Variants in SLC4A4 observed in about 807,000 individuals in gnomAD.
SLC4A4 encodes electrogenic sodium bicarbonate cotransporter 1.
SLC4A4 carries 27 observed loss-of-function variants against 111.5 expected under a neutral mutation model. That is an observed-to-expected ratio of 0.24 (90% confidence interval 0.18 to 0.33). The LOEUF (loss-of-function observed/expected upper bound fraction) is 0.33, where lower values mean the gene tolerates loss of function less well. Among genes scored for constraint, SLC4A4 ranks in the 10% least tolerant of loss-of-function variants. The pLI is 1.00. For synonymous variants in SLC4A4, 443 were observed against 463.4 expected (o/e 0.96, Z 0.57); for missense variants, 909 against 1,315.5 (o/e 0.69, Z 4.78).
intron 1 of SLC4A4, among the ~76,000 whole-genome samples, chr4:71,187,937 G>A (rs1211255835): frequency 6.6e-6 from 1 of 152,216 alleles, no homozygotes; most frequent in Admixed American, 6.5e-5. Context: ...AAGGCGGGGG[G>A]TGAGTCAGGC....
In SLC4A4 at chr4:71,172,296, G is replaced by T. The variant is rs188822436; in HGVS notation, c.-1-64280G>T. On this transcript the variant is annotated intron_variant, in intron 2 of 26. Coordinates refer to the SLC4A4 transcript ENST00000649996. ...TTTTGAGACGGAGTCTCGCTTTGTC[G>T]CCAGGCTGGAGTGCAGTGGCGTGAT... Among the ~76,000 whole-genome samples, 19 of 144,074 alleles carry T rather than the reference G, an allele frequency of 1.3e-4. 1 individual carries two copies. The highest frequency in any genetic ancestry group is 4.9e-4 in the African/African-American group (19 of 38,666). 94.5% of individuals were successfully genotyped at this position (144,074 alleles called of 152,430 possible).
intron 7 of SLC4A4, among the ~76,000 whole-genome samples, chr4:71,424,485 T>C (rs1722900667): frequency 6.6e-6 from 1 of 152,000 alleles, no homozygotes; most frequent in Admixed American, 6.6e-5. Context: ...GCCATCCCAT[T>C]AGTGGGTATA....
intron 2 of SLC4A4, among the ~76,000 whole-genome samples, chr4:71,180,982 T>C (rs1192478216): frequency 6.6e-6 from 1 of 151,912 alleles, no homozygotes; most frequent in Non-Finnish European, 1.5e-5. Context: ...CCAACAATGA[T>C]AGACTGGATT....
intron 14 of SLC4A4, among the ~76,000 whole-genome samples, chr4:71,479,040 A>G (rs1261987387): frequency 6.6e-6 from 1 of 151,750 alleles, no homozygotes; most frequent in Non-Finnish European, 1.5e-5. Context: ...CTGAGGGAAA[A>G]GAAACTTTGC....
chr4:71,088,241 T>G (rs561346573), intron 1 of SLC4A4, among the ~76,000 whole-genome samples: 2 of 151,890 alleles, frequency 1.3e-5, no homozygotes, highest in Admixed American at 6.6e-5. Flanking sequence ...TGCCTTTTTT[T>G]TTTTCCATTT....
chr4:71,563,981 C>A, intron 24 of SLC4A4, 92 bp downstream of exon 24: 1 of 852,330 alleles, frequency 1.2e-6, no homozygotes, highest in Non-Finnish European at 2.0e-6. Context: ...TTAACTTTCC[C>A]TCAATTTTGT....
chr4:71,303,023 C>G (rs1354107959), intron 3 of SLC4A4, among the ~76,000 whole-genome samples: 1 of 152,168 alleles, frequency 6.6e-6, no homozygotes, highest in Non-Finnish European at 1.5e-5. Context: ...TACCATCTGC[C>G]ATTAAGGAAA....
intron 1 of SLC4A4, among the ~76,000 whole-genome samples, chr4:71,083,168 A>G (rs1219463133): frequency 6.6e-6 from 1 of 152,040 alleles, no homozygotes; most frequent in Non-Finnish European, 1.5e-5. Flanking sequence ...AAATGTTTTA[A>G]TACATTTTAT....
chr4:71,563,923 AAT>A (rs765513036), intron 24 of SLC4A4, 34 bp downstream of exon 24: 9 of 1,339,946 alleles, frequency 6.7e-6, no homozygotes, highest in Non-Finnish European at 9.7e-6. Context: ...TGCTTGCTTG[AAT>A]ATGATTTGCA....
At position 71,545,108 on chromosome 4, in the gene SLC4A4, G is replaced by A. The variant is rs72854417; in HGVS notation, c.2443-1242G>A. ...CCTGAAAAGAACTGGTTTTATGAAT[G>A]TATATTAACCTATATCTATTCATAA... On this transcript the variant is annotated intron_variant, in intron 18 of 25. Coordinates refer to ENST00000264485, the MANE Select transcript of SLC4A4 (RefSeq NM_001098484.3). Among the ~76,000 whole-genome samples the A allele has an allele frequency of 4.8e-3, 726 of 152,114 alleles. 3 individuals are homozygous for A. Among genetic ancestry groups the A allele is most frequent in the African/African-American group, 0.016 (679 of 41,532 alleles).
intron 1 of SLC4A4, among the ~76,000 whole-genome samples, chr4:71,065,968 G>A (rs1297236815): frequency 6.6e-6 from 1 of 151,874 alleles, no homozygotes; most frequent in East Asian, 1.9e-4. Context: ...AGTTGTATAT[G>A]CCTTCCATTA....
intron 17 of SLC4A4, among the ~76,000 whole-genome samples, chr4:71,533,103 A>G (rs1734082790): frequency 6.6e-6 from 1 of 152,136 alleles, no homozygotes; most frequent in South Asian, 2.1e-4. Flanking sequence ...TTATTAAGCT[A>G]GTTGCAGTTT....
intron 1 of SLC4A4, among the ~76,000 whole-genome samples, chr4:71,062,840 A>G (rs1199025034): frequency 6.6e-6 from 1 of 152,250 alleles, no homozygotes; most frequent in African/African-American, 2.4e-5. Context: ...TATGCCACAC[A>G]AACGACATGA....
intron 2 of SLC4A4, among the ~76,000 whole-genome samples, chr4:71,137,703 A>G (rs374905001): frequency 3.0e-4 from 46 of 152,374 alleles, no homozygotes; most frequent in African/African-American, 1.1e-3. Flanking sequence ...CTTGAGCTCC[A>G]AGGGCAGCTC....
At chr4:71,247,453 C>T (rs1159276478) in intron 2 of SLC4A4, among the ~76,000 whole-genome samples, 1 of 151,882 alleles carries the variant, frequency 6.6e-6, no homozygotes, top group African/African-American at 2.4e-5. Context: ...AAGGACCCTT[C>T]ATCCTATTGC....
intron 1 of SLC4A4, among the ~76,000 whole-genome samples, chr4:71,193,956 C>A (rs1745871571): frequency 1.3e-5 from 2 of 152,132 alleles, no homozygotes; most frequent in African/African-American, 4.8e-5. Context: ...ATCTTCGAAA[C>A]TTTATCCCTA....
At chr4:71,185,881 T>G (rs974725269), upstream of SLC4A4, among the ~76,000 whole-genome samples, 7 of 150,230 alleles carry the variant, frequency 4.7e-5, no homozygotes, top group African/African-American at 1.8e-4. Flanking sequence ...GCTTTATGCA[T>G]TTTGGTGGCT....
intron 2 of SLC4A4, among the ~76,000 whole-genome samples, chr4:71,242,738 GTTA>G (rs1479118410): frequency 1.3e-5 from 2 of 150,466 alleles, no homozygotes; most frequent in Admixed American, 6.6e-5. Context: ...TTATAATTTA[GTTA>G]TTATAATTTT....
At chr4:71,295,912 G>T (rs1470805808) in intron 3 of SLC4A4, among the ~76,000 whole-genome samples, 3 of 151,994 alleles carry the variant, frequency 2.0e-5, no homozygotes, top group African/African-American at 7.2e-5. Context: ...CACCAGCCTT[G>T]GCCTCCCAAA....
Sources: allele counts gnomAD v4.1 joint callset (sites outside exome capture counted in the v4.1 genomes callset), GRCh38; gene constraint gnomAD v4.1.1; transcripts MANE v1.5; gene names NCBI Gene and HGNC (gene_info 2026-07-23, HGNC 2026-07-21).